Variants in PDGFRA observed in about 807,000 individuals in gnomAD.
The protein encoded by PDGFRA is platelet-derived growth factor receptor alpha.
Under a neutral mutation model 121.5 loss-of-function variants are expected in PDGFRA, and 25 were observed. The observed-to-expected ratio is 0.21, with a 90% confidence interval of 0.15 to 0.29. The LOEUF (loss-of-function observed/expected upper bound fraction) is 0.29, where lower values mean the gene tolerates loss of function less well. Ranked by LOEUF, PDGFRA falls within the 10% of genes least tolerant of loss-of-function variation. The probability of loss-of-function intolerance (pLI) is 1.00; values close to 1 mark genes in which losing one functional copy is unlikely to be tolerated. For missense variants in PDGFRA, 1,008 were observed against 1,345.1 expected (o/e 0.75, Z 3.92); for synonymous variants, 463 against 494.8 (o/e 0.94, Z 0.85).
intron 16 of PDGFRA, among the ~76,000 whole-genome samples, chr4:54,284,672 G>A (rs1259609402): frequency 6.6e-6 from 1 of 151,748 alleles, no homozygotes. Flanking sequence ...CAAGGGGATG[G>A]TGCTAAACCA....
intron 12 of PDGFRA, chr4:54,276,690 C>CG (rs1723746295): frequency 6.5e-6 from 1 of 152,680 alleles, no homozygotes; most frequent in Admixed American, 6.5e-5. Flanking sequence ...GCAGTGTTGG[C>CG]TGTTAGTGTC....
At chr4:54,235,093 A>T (rs1342951515) in intron 1 of PDGFRA, among the ~76,000 whole-genome samples, 2 of 152,268 alleles carry the variant, frequency 1.3e-5, no homozygotes, top group East Asian at 1.9e-4. Context: ...GTAGACCTGC[A>T]CTTGGTTTGC....
chr4:54,230,178 G>C (rs987270356), intron 1 of PDGFRA: 3 of 154,644 alleles, frequency 1.9e-5, no homozygotes, highest in African/African-American at 7.2e-5. Flanking sequence ...GTGGGCAAGG[G>C]TTTGGGGCGC....
At chr4:54,270,966 G>C (rs1723319873) in intron 8 of PDGFRA, among the ~76,000 whole-genome samples, 1 of 152,036 alleles carries the variant, frequency 6.6e-6, no homozygotes, top group Non-Finnish European at 1.5e-5. Context: ...GAATCCCTAG[G>C]CTCCACCAGC....
chr4:54,260,976 G>A (rs903818227), intron 2 of PDGFRA, 119 bp from the exon 3 acceptor site: 35 of 895,262 alleles, frequency 3.9e-5, no homozygotes, highest in East Asian at 9.8e-5. Flanking sequence ...CCAGGCTAAC[G>A]GATTTTTGTG....
intron 1 of PDGFRA, chr4:54,239,914 A>G (rs1268328619): frequency 1.2e-5 from 2 of 166,316 alleles, no homozygotes; most frequent in Non-Finnish European, 2.7e-5. Context: ...GCAGTGGCAT[A>G]ATCATGGCTC....
chr4:54,282,060 A>C, intron 16 of PDGFRA: 1 of 707,974 alleles, frequency 1.4e-6, no homozygotes, highest in East Asian at 7.6e-5. Context: ...TGTGTGTTTT[A>C]AAGGTAGCTG....
At chr4:54,244,588 C>T (rs557394026) in intron 1 of PDGFRA, among the ~76,000 whole-genome samples, 66 of 152,150 alleles carry the variant, frequency 4.3e-4, no homozygotes, top group Non-Finnish European at 7.2e-4. Context: ...CATCAAAGAC[C>T]GAAAGTAGAT....
At chr4:54,230,484 C>G (rs1214016654) in intron 1 of PDGFRA, 1 of 152,336 alleles carries the variant, frequency 6.6e-6, no homozygotes, top group African/African-American at 2.4e-5. Flanking sequence ...CTGCATTGCC[C>G]GGGGGCTCTG....
intron 1 of PDGFRA, among the ~76,000 whole-genome samples, chr4:54,241,426 A>ATGT (rs1721289907): frequency 6.6e-6 from 1 of 152,174 alleles, no homozygotes; most frequent in Non-Finnish European, 1.5e-5. Flanking sequence ...AAGTCCAAGC[A>ATGT]TGTTGTAGAT....
At chr4:54,243,540 ATTC>A (rs1389385625) in intron 1 of PDGFRA, 2 of 152,252 alleles carry the variant, frequency 1.3e-5, no homozygotes, top group African/African-American at 2.4e-5. Context: ...TTTAAAAGAA[ATTC>A]TGTGTGTAAA....
chr4:54,249,276 A>T (rs945261813), intron 1 of PDGFRA, among the ~76,000 whole-genome samples: 1 of 152,228 alleles, frequency 6.6e-6, no homozygotes, highest in Non-Finnish European at 1.5e-5. Context: ...CAGCAATCCC[A>T]TTACTGGGTA....
At chr4:54,252,315 G>A (rs1722095317) in intron 1 of PDGFRA, among the ~76,000 whole-genome samples, 1 of 152,188 alleles carries the variant, frequency 6.6e-6, no homozygotes, top group African/African-American at 2.4e-5. Context: ...TACTGTTGTG[G>A]AATATATTGC....
intron 7 of PDGFRA, among the ~76,000 whole-genome samples, chr4:54,269,117 A>G (rs1370584715): frequency 2.0e-5 from 3 of 152,150 alleles, no homozygotes; most frequent in Non-Finnish European, 4.4e-5. Flanking sequence ...TGAAGAGAAC[A>G]AACAGCAGAG....
chr4:54,248,890 A>C (rs887133623), intron 1 of PDGFRA, among the ~76,000 whole-genome samples: 2 of 152,214 alleles, frequency 1.3e-5, no homozygotes, highest in Non-Finnish European at 1.5e-5. Flanking sequence ...AAACAACCCC[A>C]TCAAAAAGTG....
intron 16 of PDGFRA, among the ~76,000 whole-genome samples, chr4:54,282,338 A>C (rs924533051): frequency 6.6e-6 from 1 of 152,230 alleles, no homozygotes; most frequent in African/African-American, 2.4e-5. Flanking sequence ...GGCCTCATGA[A>C]GCCATGAAGT....
In PDGFRA at chr4:54,270,665, A is replaced by C; in HGVS notation, c.1154A>C (p.Lys385Thr). ...AGCAAATTAAAGCTGATCCGTGCTAAGGAAGAAGACAGTGGCCATTATACT... is the reference window on the plus strand; with the variant it reads ...AGCAAATTAAAGCTGATCCGTGCTACGGAAGAAGACAGTGGCCATTATACT... ...YRSKLKLIRA[K>T]EEDSGHYTIV... is the part of the protein sequence containing the mutation. Residue 385 changes from lysine to threonine, a missense_variant, in exon 8 of 23, where the codon AAG becomes ACG. By Grantham distance (78) the Lys-to-Thr change is moderately conservative. Transcript: ENST00000257290. 2 of 1,612,114 alleles carry C rather than the reference A, an allele frequency of 1.2e-6. No homozygotes were observed. Among genetic ancestry groups the C allele is most frequent in the Non-Finnish European group, 1.7e-6 (2 of 1,178,272 alleles).
At chr4:54,231,451 C>G (rs1720663640) in intron 1 of PDGFRA, among the ~76,000 whole-genome samples, 1 of 152,238 alleles carries the variant, frequency 6.6e-6, no homozygotes, top group South Asian at 2.1e-4. Context: ...GACAAACATC[C>G]CCGGAGCCAC....
intron 1 of PDGFRA, chr4:54,243,621 C>G (rs189125734): frequency 4.3e-4 from 66 of 152,540 alleles, no homozygotes; most frequent in African/African-American, 1.5e-3. Flanking sequence ...CGGTCTACAG[C>G]TCCCAGCATC....
Sources: gnomAD v4.1 joint callset for allele counts (sites outside exome capture counted in the v4.1 genomes callset) on GRCh38, gnomAD v4.1.1 for gene constraint, MANE v1.5 for transcripts, NCBI Gene and HGNC (gene_info 2026-07-23, HGNC 2026-07-21) for gene names.